Variants in HS6ST3 observed in about 807,000 individuals in gnomAD.
HS6ST3 encodes heparan-sulfate 6-O-sulfotransferase 3.
Under a neutral mutation model 36.7 loss-of-function variants are expected in HS6ST3, and 12 were observed. The ratio of observed to expected loss-of-function variants is 0.33; its 90% CI spans 0.21 to 0.53. The LOEUF (loss-of-function observed/expected upper bound fraction) is 0.53, where lower values mean the gene tolerates loss of function less well. Among genes scored for constraint, HS6ST3 ranks in the 20% least tolerant of loss-of-function variants. The probability of loss-of-function intolerance (pLI) is 0.95; values close to 1 mark genes in which losing one functional copy is unlikely to be tolerated. For missense variants in HS6ST3, 584 were observed against 640.9 expected (o/e 0.91, Z 0.96); for synonymous variants, 240 against 257.5 (o/e 0.93, Z 0.65).
intron 1 of HS6ST3, among the ~76,000 whole-genome samples, chr13:96,746,146 G>GA (rs1293355161): frequency 1.3e-5 from 2 of 152,064 alleles, no homozygotes; most frequent in Non-Finnish European, 2.9e-5. Context: ...CAGGATTAAG[G>GA]AAAAGTAAGG....
chr13:96,831,347 A>G (rs765785021), intron 1 of HS6ST3, among the ~76,000 whole-genome samples: 5 of 152,232 alleles, frequency 3.3e-5, no homozygotes, highest in African/African-American at 9.6e-5. Context: ...AGAAATTACA[A>G]TGTAAATACC....
At chr13:96,744,953 G>A (rs1243141596) in intron 1 of HS6ST3, among the ~76,000 whole-genome samples, 2 of 152,064 alleles carry the variant, frequency 1.3e-5, no homozygotes, top group Non-Finnish European at 2.9e-5. Flanking sequence ...TCTACTTTTT[G>A]TCAGTTTCAC....
intron 1 of HS6ST3, among the ~76,000 whole-genome samples, chr13:96,243,589 G>GTCATTAT (rs1566299340): frequency 3.3e-5 from 5 of 152,306 alleles, no homozygotes; most frequent in Non-Finnish European, 7.4e-5. Context: ...TAGCTGCTGT[G>GTCATTAT]TGTGTCATTA....
chr13:96,607,496 T>G (rs2056443231), intron 1 of HS6ST3, among the ~76,000 whole-genome samples: 1 of 152,144 alleles, frequency 6.6e-6, no homozygotes, highest in African/African-American at 2.4e-5. Flanking sequence ...TCATAAGAAC[T>G]GGTGGAGAAC....
chr13:96,441,566 A>T (rs1019366199), intron 1 of HS6ST3, among the ~76,000 whole-genome samples: 2 of 152,188 alleles, frequency 1.3e-5, no homozygotes, highest in Non-Finnish European at 2.9e-5. Flanking sequence ...AAAACATGGA[A>T]AAAACTAATC....
At chr13:96,303,037 G>C (rs546988321) in intron 1 of HS6ST3, among the ~76,000 whole-genome samples, 3 of 152,254 alleles carry the variant, frequency 2.0e-5, no homozygotes, top group South Asian at 2.1e-4. Flanking sequence ...GATAGAGACT[G>C]TATGGCCTGC....
intron 1 of HS6ST3, among the ~76,000 whole-genome samples, chr13:96,538,535 C>T (rs2056164853): frequency 6.6e-6 from 1 of 152,190 alleles, no homozygotes; most frequent in Non-Finnish European, 1.5e-5. Context: ...CCTCCGCCTC[C>T]TGGGTTCAGG....
chr13:96,708,467 T>C (rs1023341237), intron 1 of HS6ST3, among the ~76,000 whole-genome samples: 3 of 152,204 alleles, frequency 2.0e-5, no homozygotes, highest in African/African-American at 4.8e-5. Context: ...CGGAAAAATA[T>C]TGATGCATAA....
chr13:96,826,128 A>G (rs1370158571), intron 1 of HS6ST3, among the ~76,000 whole-genome samples: 3 of 152,242 alleles, frequency 2.0e-5, no homozygotes, highest in Admixed American at 6.5e-5. Flanking sequence ...AATTTTAAAA[A>G]TAAATAAATA....
Position 96,832,600 on chromosome 13 carries a change from G to C in HS6ST3, c.818G>C (p.Gly273Ala). The change falls in exon 2 of 2, where the codon GGA becomes GCA. Residue 273 changes from glycine to alanine, a missense_variant. Gly to Ala is a moderately conservative substitution (Grantham distance 60). Transcript: ENST00000376705. ...TWKTSLHMCD[G>A]RSPTPDELPT... is the part of the protein sequence containing the mutation. Reference sequence around the variant, plus strand: ...AAAACCTCTCTTCATATGTGTGATGGAAGAAGCCCCACCCCAGATGAGCTG... The same window carrying C: ...AAAACCTCTCTTCATATGTGTGATGCAAGAAGCCCCACCCCAGATGAGCTG... The C allele has an allele frequency of 6.2e-7, 1 of 1,614,110 alleles. No homozygotes were observed. Among genetic ancestry groups the C allele is most frequent in the Non-Finnish European group, 8.5e-7 (1 of 1,179,998 alleles).
At chr13:96,284,953 TTCTTTCTTTCTTTC>T (rs2054794606) in intron 1 of HS6ST3, among the ~76,000 whole-genome samples, 1 of 148,666 alleles carries the variant, frequency 6.7e-6, no homozygotes, top group Non-Finnish European at 1.5e-5. Context: ...CTTTCTTTCT[TTCTTTCTTTCTTTC>T]TTTCTTTCTT....
chr13:96,815,416 T>C (rs189695746), intron 1 of HS6ST3, among the ~76,000 whole-genome samples: 222 of 152,276 alleles, frequency 1.5e-3, no homozygotes, highest in African/African-American at 5.0e-3. Context: ...TATTCCCAGG[T>C]ATGGGGCAGT....
At chr13:96,326,973 T>A (rs2055035584) in intron 1 of HS6ST3, among the ~76,000 whole-genome samples, 1 of 149,896 alleles carries the variant, frequency 6.7e-6, no homozygotes, top group East Asian at 2.0e-4. Context: ...TGCATAAATG[T>A]CTTCTTTTGA....
intron 1 of HS6ST3, among the ~76,000 whole-genome samples, chr13:96,161,535 T>C (rs552117581): frequency 8.4e-4 from 128 of 152,316 alleles, no homozygotes; most frequent in Non-Finnish European, 1.6e-3. Context: ...CTTTCTGGAA[T>C]GGAAGACCTA....
At chr13:96,708,937 A>C (rs995641084) in intron 1 of HS6ST3, among the ~76,000 whole-genome samples, 1 of 152,084 alleles carries the variant, frequency 6.6e-6, no homozygotes. Context: ...CTTTTCCTCT[A>C]TCTCTGTTTA....
chr13:96,444,594 G>C (rs2055689338), intron 1 of HS6ST3, among the ~76,000 whole-genome samples: 2 of 152,148 alleles, frequency 1.3e-5, no homozygotes. Flanking sequence ...ACACCAATGG[G>C]ATTGTGCATA....
chr13:96,600,895 G>A (rs2056419255), intron 1 of HS6ST3, among the ~76,000 whole-genome samples: 1 of 152,010 alleles, frequency 6.6e-6, no homozygotes, highest in Non-Finnish European at 1.5e-5. Context: ...GCTTGTCTGG[G>A]AAATACTTTG....
intron 1 of HS6ST3, among the ~76,000 whole-genome samples, chr13:96,561,590 TA>T (rs1481130382): frequency 1.3e-5 from 2 of 151,832 alleles, no homozygotes; most frequent in African/African-American, 4.8e-5. Context: ...ATCAACAGAG[TA>T]AACAGGCACC....
At chr13:96,636,279 T>C (rs2056549636) in intron 1 of HS6ST3, among the ~76,000 whole-genome samples, 1 of 152,152 alleles carries the variant, frequency 6.6e-6, no homozygotes, top group Non-Finnish European at 1.5e-5. Flanking sequence ...GCAAACAGGC[T>C]CACATTTGTA....
Sources: gnomAD v4.1 joint callset for allele counts (sites outside exome capture counted in the v4.1 genomes callset) on GRCh38, gnomAD v4.1.1 for gene constraint, MANE v1.5 for transcripts, NCBI Gene and HGNC (gene_info 2026-07-23, HGNC 2026-07-21) for gene names.